GRAMD4: variants seen among roughly 807,000 people sequenced by gnomAD.
GRAMD4 encodes the protein GRAM domain-containing protein 4.
A neutral mutation model predicts 83.9 loss-of-function variants in GRAMD4; 25 were observed. The observed-to-expected ratio is 0.30, with a 90% CI of 0.22 to 0.42. GRAMD4 has a LOEUF of 0.42. GRAMD4 is among the 10% of genes least tolerant of loss of function. The probability of loss-of-function intolerance (pLI) is 1.00; values close to 1 mark genes in which losing one functional copy is unlikely to be tolerated. For missense variants in GRAMD4, 593 were observed against 788.7 expected (o/e 0.75, Z 2.97); for synonymous variants, 336 against 320.9 (o/e 1.05, Z -0.50).
upstream of GRAMD4, among the ~76,000 whole-genome samples, chr22:46,617,504 T>C (rs548961112): frequency 2.0e-5 from 3 of 150,594 alleles, no homozygotes; most frequent in Non-Finnish European, 4.4e-5. Context: ...TTTCCCCGTG[T>C]GTAGGTTCCC....
chr22:46,649,272 G>C lies in GRAMD4; in HGVS notation c.284-8915G>C, dbSNP rs183643308. Among the ~76,000 whole-genome samples, 71 of 152,328 alleles carry C rather than the reference G, an allele frequency of 4.7e-4. No individual in the cohort carries two copies. In the East Asian group the frequency reaches 0.013, roughly 29 times the overall value. On this transcript the variant is annotated intron_variant, in intron 3 of 18. Coordinates refer to ENST00000406902, the MANE Select transcript of GRAMD4 (RefSeq NM_015124.5). ...GCAGAGAGCCTGTTGCTGTGGGAAG[G>C]GACTGGGGGCCTGGAGGGCTTGGCT...
intron 1 of GRAMD4, among the ~76,000 whole-genome samples, chr22:46,598,551 G>C (rs1196566568): frequency 1.3e-5 from 2 of 151,880 alleles, no homozygotes; most frequent in East Asian, 1.9e-4. Flanking sequence ...TTACCGGCTT[G>C]ATTTGCTGTG....
chr22:46,592,296 T>C (rs1159304161), intron 1 of GRAMD4, among the ~76,000 whole-genome samples: 1 of 152,174 alleles, frequency 6.6e-6, no homozygotes, highest in Non-Finnish European at 1.5e-5. Context: ...TTTAAATAAC[T>C]GACTGCTTAA....
At chr22:46,604,080 C>G (rs531544046) in intron 1 of GRAMD4, among the ~76,000 whole-genome samples, 1 of 152,168 alleles carries the variant, frequency 6.6e-6, no homozygotes, top group African/African-American at 2.4e-5. Flanking sequence ...TGCCTCTGAT[C>G]ACAATTGGGT....
Position 46,663,818 on chromosome 22 carries a change from T to C in GRAMD4, c.600-20T>C, listed in dbSNP as rs763655839. The C allele has an allele frequency of 1.9e-6, 3 of 1,611,516 alleles. No individual in the cohort carries two copies. The East Asian group carries it at 6.7e-5, about 36-fold the overall frequency. ...CGGGTGCATTAACCCTGGGCTCCCATCTCTCCCCTTCTCTCTTAGGTTAAC... is the reference window on the plus strand; with the variant it reads ...CGGGTGCATTAACCCTGGGCTCCCACCTCTCCCCTTCTCTCTTAGGTTAAC... On this transcript the variant is annotated intron_variant, in intron 6 of 18. Transcript: ENST00000406902.
rs377440626 is a variant in GRAMD4 at position 46,677,108 on chromosome 22, G to T, written c.1633-39G>T. 2.6e-4 allele frequency: 422 copies of T among 1,608,248 alleles called. 2 individuals carry two copies. In the Middle Eastern group the frequency reaches 6.0e-3, roughly 23 times the overall value. On this transcript the variant is annotated intron_variant, in intron 18 of 18. Transcript: ENST00000406902. ...CGGTCCTGGTCCTGGCGCCAGCCTG[G>T]CTGTGCCATGCTCACTGGTGGCATT...
intron 8 of GRAMD4, among the ~76,000 whole-genome samples, chr22:46,664,431 C>A (rs780566092): frequency 6.6e-6 from 1 of 152,204 alleles, no homozygotes; most frequent in Non-Finnish European, 1.5e-5. Flanking sequence ...CCGTGCAGTG[C>A]GGTGGCCACG....
At chr22:46,613,770 C>T (rs545100180) in intron 1 of GRAMD4, among the ~76,000 whole-genome samples, 1 of 152,218 alleles carries the variant, frequency 6.6e-6, no homozygotes, top group African/African-American at 2.4e-5. Context: ...ATACACACCC[C>T]CTCCTGCCCT....
intron 3 of GRAMD4, among the ~76,000 whole-genome samples, chr22:46,657,858 G>A (rs984495401): frequency 4.6e-5 from 7 of 152,190 alleles, no homozygotes; most frequent in African/African-American, 1.4e-4. Context: ...TCAGCGTGGC[G>A]GTGCTTGGTG....
chr22:46,675,603 G>C, intron 17 of GRAMD4, 51 bp downstream of exon 17: 1 of 1,189,488 alleles, frequency 8.4e-7, no homozygotes, highest in African/African-American at 1.5e-5. Flanking sequence ...TTCGTCACCT[G>C]ACAGAGGCTG....
At chr22:46,591,538 T>C (rs1252251456) in intron 1 of GRAMD4, among the ~76,000 whole-genome samples, 1 of 150,742 alleles carries the variant, frequency 6.6e-6, no homozygotes, top group Non-Finnish European at 1.5e-5. Flanking sequence ...GCATCCCTCA[T>C]AAAGGCCACC....
At chr22:46,591,064 G>GAAAAAC (rs1265479387) in intron 1 of GRAMD4, among the ~76,000 whole-genome samples, 1 of 121,282 alleles carries the variant, frequency 8.2e-6, no homozygotes, top group African/African-American at 4.3e-5. Context: ...TGTCTAAAAA[G>GAAAAAC]AAAAAGAAAA....
chr22:46,652,639 TCA>T (rs1569291325), intron 3 of GRAMD4, among the ~76,000 whole-genome samples: 1 of 152,156 alleles, frequency 6.6e-6, no homozygotes, highest in African/African-American at 2.4e-5. Context: ...CCCGGCGTCC[TCA>T]GTGTCTGTGA....
chr22:46,678,480 C>T lies in GRAMD4; in HGVS notation c.*1229C>T, dbSNP rs1446900074. ...TGGAGGGAGCGCCCGCAGGCCTGGT[C>T]TGCTGGGGCCGCCTGCGCTGGGCTG... is the stretch of plus-strand genomic sequence containing the variant. On this transcript the variant is annotated 3_prime_UTR_variant, in exon 19 of 19. Coordinates refer to ENST00000406902, the MANE Select transcript of GRAMD4 (RefSeq NM_015124.5). 1.0e-6 allele frequency: 1 copy of T among 985,344 alleles called. No homozygotes were observed. Among genetic ancestry groups the T allele is most frequent in the African/African-American group, 1.7e-5 (1 of 57,334 alleles). 61.0% of individuals were successfully genotyped at this position (985,344 alleles called of 1,614,324 possible). A position where few individuals can be genotyped will look rare whatever the true frequency, so the allele number is the denominator to read the frequency against.
Position 46,663,033 on chromosome 22 carries a change from C to G in GRAMD4, c.467-7C>G, listed in dbSNP as rs747794883. 6 of 1,603,256 alleles carry G rather than the reference C, an allele frequency of 3.7e-6. No homozygotes were observed. Among genetic ancestry groups the G allele is most frequent in the South Asian group, 3.3e-5 (3 of 90,478 alleles). On this transcript the variant is annotated splice_polypyrimidine_tract_variant and splice_region_variant and intron_variant, in intron 5 of 18. Transcript: ENST00000406902. ...CCGTGCCCTCACCGGGTCCCTGCCC[C>G]CTGCAGAGCGCCGGAGCCAGGGGCT...
At chr22:46,675,369 C>A in intron 16 of GRAMD4, 99 bp from the exon 17 acceptor site, 3 of 794,372 alleles carry the variant, frequency 3.8e-6, no homozygotes, top group Non-Finnish European at 6.8e-6. Flanking sequence ...CACTGTCCAT[C>A]CCACTGGGGG....
chr22:46,644,697 G>GTTTTTTTTTTTTTTTTTTT (rs71192437), intron 3 of GRAMD4, among the ~76,000 whole-genome samples: 1 of 97,338 alleles, frequency 1.0e-5, no homozygotes, highest in Non-Finnish European at 2.0e-5. Context: ...CTTGTTCCCT[G>GTTTTTTTTTTTTTTTTTTT]TTTTTTTTTT....
intron 3 of GRAMD4, among the ~76,000 whole-genome samples, chr22:46,638,804 T>A (rs1411367826): frequency 1.5e-4 from 23 of 152,178 alleles, no homozygotes; most frequent in Non-Finnish European, 1.5e-5. Flanking sequence ...GGAGCCCCCA[T>A]TTGTGACAGG....
At chr22:46,628,650 G>A (rs1022259957) in intron 2 of GRAMD4, among the ~76,000 whole-genome samples, 3 of 152,176 alleles carry the variant, frequency 2.0e-5, no homozygotes, top group Non-Finnish European at 4.4e-5. Flanking sequence ...TGAGGGGCAG[G>A]TGGAGGGCTG....
Sources: allele counts gnomAD v4.1 joint callset (sites outside exome capture counted in the v4.1 genomes callset), GRCh38; gene constraint gnomAD v4.1.1; transcripts MANE v1.5; gene names NCBI Gene and HGNC (gene_info 2026-07-23, HGNC 2026-07-21).